The following PPP6R1 variants were observed in gnomAD, a reference collection of about 807,000 sequenced individuals.
PPP6R1 encodes protein phosphatase 6 regulatory subunit 1, also known as serine/threonine-protein phosphatase 6 regulatory subunit 1.
A neutral mutation model predicts 104.6 loss-of-function variants in PPP6R1; 39 were observed. The ratio of observed to expected loss-of-function variants is 0.37; its 90% CI spans 0.29 to 0.49. The LOEUF (loss-of-function observed/expected upper bound fraction) is 0.49. Ranked by LOEUF, PPP6R1 falls within the 20% of genes least tolerant of loss-of-function variation. The pLI is 0.98. For missense variants in PPP6R1, 1,181 were observed against 1,155.8 expected (o/e 1.02, Z -0.32); for synonymous variants, 549 against 479.0 (o/e 1.15, Z -1.91).
At position 55,241,658 on chromosome 19, in the gene PPP6R1, G is replaced by A. The variant is rs148126103; in HGVS notation, c.846-19C>T. On this transcript the variant is annotated intron_variant, in intron 7 of 23. Transcript: ENST00000412770. This position sits in a 1 kb window ranked among gnomAD's most constrained non-coding sequence, Gnocchi z 5.4. The stretch of plus-strand genomic sequence containing the variant: ...CTCGGACCTGCAGCAGGGCAGGGTC[G>A]AAGGCGGAGTGAGCCTAGATGGCCT... 260 of 1,548,054 alleles carry A rather than the reference G, an allele frequency of 1.7e-4. 1 individual carries two copies. The African/African-American group carries it at 2.8e-3, about 17-fold the overall frequency.
At chr19:55,242,030 C>T in intron 7 of PPP6R1, 136 bp downstream of exon 7, 2 of 799,954 alleles carry the variant, frequency 2.5e-6, no homozygotes, top group African/African-American at 3.5e-5. Flanking sequence ...GTCCACTGTG[C>T]AGGGAGCACA....
chr19:55,230,813 T>A lies in PPP6R1; in HGVS notation c.2531A>T (p.Glu844Val). 6.3e-7 allele frequency: 1 copy of A among 1,593,414 alleles called. No individual in the cohort carries two copies. The highest frequency in any genetic ancestry group is 1.1e-5 in the South Asian group (1 of 90,142). The change falls in exon 22 of 24, where the codon GAG becomes GTG. Residue 844 changes from glutamate (E) to valine (V), a missense_variant. This residue lies in a region of PPP6R1 where 1,042 missense variants were observed against 955.6 expected (regional missense o/e 1.09). Coordinates refer to ENST00000412770, the MANE Select transcript of PPP6R1 (RefSeq NM_014931.4). ...AHQPPQTTEG[E>V]KSPEPLGLPQ... ...AAGCCCCAAGGGCTCTGGGCTCTTCTCCCCTTCTGTGGTCTGGGGGGGCTG... is the reference window on the plus strand; with the variant it reads ...AAGCCCCAAGGGCTCTGGGCTCTTCACCCCTTCTGTGGTCTGGGGGGGCTG...
In PPP6R1 at chr19:55,248,514, G is replaced by C. The variant is rs529388857; in HGVS notation, c.-6-1405C>G. 5.2e-5 allele frequency among the ~76,000 whole-genome samples: 8 copies of C among 152,384 alleles called. No individual in the cohort carries two copies. In the East Asian group the frequency reaches 1.5e-3, roughly 29 times the overall value. On this transcript the variant is annotated intron_variant, in intron 1 of 23. Transcript: ENST00000412770. ...TGAGAACAGAGCAGAGCCGGCACAA[G>C]AGGCCAAGGGTGCCTCTCCCGCAGG...
At chr19:55,240,449 G>A in intron 10 of PPP6R1, 149 bp from the exon 11 acceptor site, 2 of 789,832 alleles carry the variant, frequency 2.5e-6, no homozygotes, top group South Asian at 3.3e-5. Flanking sequence ...GATGCAAGCT[G>A]GGGCTTGGGA....
At chr19:55,242,104 T>C in intron 7 of PPP6R1, 62 bp downstream of exon 7, 1 of 1,489,852 alleles carries the variant, frequency 6.7e-7, no homozygotes, top group Non-Finnish European at 9.2e-7. Flanking sequence ...GACCCGCCTC[T>C]GAGGGGCCGG....
At chr19:55,256,625 C>T (rs984972470) in intron 1 of PPP6R1, among the ~76,000 whole-genome samples, 1 of 152,174 alleles carries the variant, frequency 6.6e-6, no homozygotes, top group Non-Finnish European at 1.5e-5. Context: ...GCCTGGGCAC[C>T]ACAGCAGGGC....
chr19:55,228,963 G>C (rs1600100492), downstream of PPP6R1: 1 of 526,724 alleles, frequency 1.9e-6, no homozygotes, highest in Non-Finnish European at 3.5e-6. Flanking sequence ...TAGCCTGCTG[G>C]GACATGGCTT....
Position 55,239,398 on chromosome 19 carries a change from C to T in PPP6R1, c.1751+7G>A, listed in dbSNP as rs1436486108. On this transcript the variant is annotated splice_region_variant and intron_variant, in intron 15 of 23. Transcript: ENST00000412770. ...CAGGGCTGTGACCCTGCGCAGGAGA[C>T]ACTCACTTCACACTCTCCTCCTGCT... 1 of 1,610,814 alleles carries T rather than the reference C, an allele frequency of 6.2e-7. No homozygotes were observed. Among genetic ancestry groups the T allele is most frequent in the African/African-American group, 1.3e-5 (1 of 74,868 alleles).
intron 17 of PPP6R1, 188 bp downstream of exon 17, chr19:55,236,455 C>T (rs760793038): frequency 3.4e-5 from 22 of 643,306 alleles, no homozygotes; most frequent in Non-Finnish European, 5.3e-5. Context: ...TTACATGAGC[C>T]CACCATGCTT....
intron 17 of PPP6R1, among the ~76,000 whole-genome samples, chr19:55,235,558 G>T (rs569504855): frequency 1.4e-5 from 2 of 146,454 alleles, no homozygotes; most frequent in East Asian, 2.0e-4. Flanking sequence ...TCGCTCTGTC[G>T]CCCAGGCTGG....
chr19:55,253,507 C>G, intron 1 of PPP6R1, among the ~76,000 whole-genome samples: 1 of 152,316 alleles, frequency 6.6e-6, no homozygotes, highest in South Asian at 2.1e-4. Flanking sequence ...CAGAATGAGA[C>G]GGGAGGGTGC....
intron 1 of PPP6R1, among the ~76,000 whole-genome samples, chr19:55,249,937 C>G (rs544295555): frequency 6.6e-6 from 1 of 152,354 alleles, no homozygotes; most frequent in East Asian, 1.9e-4. Flanking sequence ...TCTCGTGCCC[C>G]TGCCCAGCCA....
Position 55,239,890 on chromosome 19 carries a change from T to C in PPP6R1, c.1499A>G (p.Glu500Gly). The C allele has an allele frequency of 1.9e-6, 3 of 1,613,842 alleles. No individual in the cohort carries two copies. Among genetic ancestry groups the C allele is most frequent in the Non-Finnish European group, 2.5e-6 (3 of 1,179,850 alleles). Reference sequence around the variant, plus strand: ...CCCCGATACGAAGGCTTCCCACTGCTCCTGCTGCTCGCTGGGCAGCTCTGC... The same window carrying C: ...CCCCGATACGAAGGCTTCCCACTGCCCCTGCTGCTCGCTGGGCAGCTCTGC... ...LLKELPSEQQ[E>G]QWEAFVSGPL... The change falls in exon 13 of 24, where the codon GAG becomes GGG. Residue 500 changes from glutamate (E) to glycine (G), a missense_variant. Glu to Gly is a moderately conservative substitution (Grantham distance 98). This residue lies in a region of PPP6R1 where 1,042 missense variants were observed against 955.6 expected (regional missense o/e 1.09). Transcript: ENST00000412770.
At chr19:55,254,594 A>G (rs2122741185) in intron 1 of PPP6R1, among the ~76,000 whole-genome samples, 1 of 152,190 alleles carries the variant, frequency 6.6e-6, no homozygotes, top group Admixed American at 6.5e-5. Flanking sequence ...ACCTGCGCTG[A>G]CCCACGAGCA....
intron 5 of PPP6R1, among the ~76,000 whole-genome samples, chr19:55,243,180 C>T (rs527315885): frequency 4.5e-3 from 680 of 151,944 alleles, no homozygotes; most frequent in Non-Finnish European, 7.7e-3. Context: ...TTTGGGAGGC[C>T]GAGGCAGGTG....
Position 55,245,257 on chromosome 19 carries a change from C to G in PPP6R1, c.552+8G>C. On this transcript the variant is annotated splice_region_variant and intron_variant, in intron 4 of 23. Coordinates refer to ENST00000412770, the MANE Select transcript of PPP6R1 (RefSeq NM_014931.4). The surrounding 1 kb of genome is among the most constrained non-coding windows in gnomAD (Gnocchi z 6.4). The stretch of plus-strand genomic sequence containing the variant: ...CCCCCCACCCCCAGAGGAGCCGGCC[C>G]TGCTCACATTGACAACATCCTGCCT... The G allele has an allele frequency of 6.3e-7, 1 of 1,596,916 alleles. No individual in the cohort carries two copies. Among genetic ancestry groups the G allele is most frequent in the Non-Finnish European group, 8.5e-7 (1 of 1,172,158 alleles).
Position 55,242,228 on chromosome 19 carries a change from G to A in PPP6R1, c.783C>T (p.Ser261=), listed in dbSNP as rs1270293925. The change falls in exon 7 of 24, where the codon AGC becomes AGT. Residue 261 remains serine (S), a synonymous_variant. Coordinates refer to ENST00000412770, the MANE Select transcript of PPP6R1 (RefSeq NM_014931.4). ...LLSNMFEGEQ[S]QSVIVSGIQV... is the part of the protein sequence containing the mutation. ...GGATCCCACTGACGATGACAGACTG[G>A]CTCTGCTCCCCCTCGAACATGTTGC... The A allele has an allele frequency of 1.9e-6, 3 of 1,613,912 alleles. No individual in the cohort carries two copies. The South Asian group carries it at 3.3e-5, about 18-fold the overall frequency.
Position 55,249,151 on chromosome 19 carries a change from G to A in PPP6R1, c.-6-2042C>T, listed in dbSNP as rs577560161. On this transcript the variant is annotated intron_variant, in intron 1 of 23. Transcript: ENST00000412770. ...CTAGGGGAGATAGCAGCAGCCTCCA[G>A]GCATTTGAACCCCTGCTCCTCTGGG... Among the ~76,000 whole-genome samples, 3 of 152,282 alleles carry A rather than the reference G, an allele frequency of 2.0e-5. No individual in the cohort carries two copies. In the East Asian group the frequency reaches 5.8e-4, roughly 29 times the overall value.
intron 2 of PPP6R1, 38 bp downstream of exon 2, chr19:55,246,839 C>G (rs1375969638): frequency 2.0e-6 from 3 of 1,491,800 alleles, no homozygotes. Context: ...ATGTGTGATG[C>G]TGATAGGGAC....
Sources: gnomAD v4.1 joint callset for allele counts (sites outside exome capture counted in the v4.1 genomes callset) on GRCh38, gnomAD v4.1.1 for gene constraint, gnomAD v4.1.1 regional missense constraint, Gnocchi (gnomAD v3.1) non-coding constraint, MANE v1.5 for transcripts, NCBI Gene and HGNC (gene_info 2026-07-23, HGNC 2026-07-21) for gene names.